SIRPG: variants seen among roughly 807,000 people sequenced by gnomAD.
SIRPG encodes the protein signal regulatory protein gamma, also known as signal-regulatory protein gamma.
In SIRPG, 38 loss-of-function variants were observed where a neutral mutation model predicts 35.7. The ratio of observed to expected loss-of-function variants is 1.06; its 90% CI spans 0.82 to 1.40. The LOEUF (loss-of-function observed/expected upper bound fraction) is 1.40, where lower values mean the gene tolerates loss of function less well. Ranked by LOEUF, SIRPG falls within the 40% of genes most tolerant of loss-of-function variation. The pLI, the probability that SIRPG is intolerant of heterozygous loss-of-function variation, is 0.00. For missense variants in SIRPG, 519 were observed against 483.0 expected (o/e 1.07, Z -0.70); for synonymous variants, 215 against 190.4 (o/e 1.13, Z -1.06).
chr20:1,671,132 A>C, the SIRPG span: 2 of 426,140 alleles, frequency 4.7e-6, no homozygotes, highest in South Asian at 3.7e-5. Context: ...TCACAGGTGA[A>C]GCTCACTGTA....
intron 1 of SIRPG, among the ~76,000 whole-genome samples, chr20:1,653,157 T>A (rs1489368297): frequency 4.6e-5 from 7 of 152,150 alleles, no homozygotes; most frequent in African/African-American, 1.4e-4. Context: ...GCTGCAGAAA[T>A]CTCATGGAAT....
the SIRPG span, among the ~76,000 whole-genome samples, chr20:1,668,248 T>TTTCTTTCTTTCTTTCTTTC: frequency 2.8e-5 from 3 of 106,222 alleles, no homozygotes; most frequent in African/African-American, 1.0e-4. Context: ...TCTTTCTTTC[T>TTTCTTTCTTTCTTTCTTTC]TTTTCTTTTT....
At chr20:1,649,454 C>G in intron 1 of SIRPG, 46 bp from the exon 2 acceptor site, 1 of 1,500,432 alleles carries the variant, frequency 6.7e-7, no homozygotes, top group Non-Finnish European at 9.0e-7. Flanking sequence ...TTACATAATC[C>G]TGTATTTCCT....
At chr20:1,635,180 G>T in intron 4 of SIRPG, 87 bp downstream of exon 4, 1 of 1,092,690 alleles carries the variant, frequency 9.2e-7, no homozygotes, top group South Asian at 1.6e-5. Context: ...TGTATTTATA[G>T]ACTTCTAGCT....
intron 2 of SIRPG, among the ~76,000 whole-genome samples, chr20:1,641,326 G>C (rs2091850416): frequency 6.6e-6 from 1 of 152,052 alleles, no homozygotes; most frequent in Admixed American, 6.6e-5. Context: ...TTTCTTTTTG[G>C]TTTAGTCTTG....
intron 2 of SIRPG, among the ~76,000 whole-genome samples, chr20:1,644,278 G>A (rs1448813397): frequency 6.6e-6 from 1 of 152,176 alleles, no homozygotes; most frequent in African/African-American, 2.4e-5. Context: ...AGTTGTTGGA[G>A]TTCCTGGAGG....
At chr20:1,650,405 G>T (rs2091933560) in intron 1 of SIRPG, among the ~76,000 whole-genome samples, 1 of 152,066 alleles carries the variant, frequency 6.6e-6, no homozygotes, top group Non-Finnish European at 1.5e-5. Context: ...TCCAGAATGA[G>T]AAATTATAAA....
intron 4 of SIRPG, 60 bp from the exon 5 acceptor site, chr20:1,630,366 G>A: frequency 3.0e-6 from 4 of 1,344,126 alleles, no homozygotes; most frequent in Non-Finnish European, 4.1e-6. Flanking sequence ...CATTGTAGGG[G>A]CCTCCACTTA....
the SIRPG span, among the ~76,000 whole-genome samples, chr20:1,669,543 G>A: frequency 4.6e-5 from 7 of 152,324 alleles, 1 homozygote; most frequent in South Asian, 8.3e-4. Context: ...GGATGAGGTC[G>A]CAGATGGGAT....
In SIRPG at chr20:1,650,002, G is replaced by GTA. The variant is rs200260253; in HGVS notation, c.74-595_74-594insTA. 2.7e-3 allele frequency among the ~76,000 whole-genome samples: 223 copies of GTA among 81,352 alleles called. 7 individuals are homozygous for GTA. The highest frequency in any genetic ancestry group is 9.0e-3 in the South Asian group (23 of 2,566). The allele number at this position is 81,352 out of a possible 152,430, so 53.4% of individuals were successfully genotyped here. On this transcript the variant is annotated intron_variant, in intron 1 of 5. Coordinates refer to ENST00000303415, the MANE Select transcript of SIRPG (RefSeq NM_018556.4). ...GAACTCCTGAACTCTACTTTGAAGT[G>GTA]TGTATATATATATATATATATATAT...
At chr20:1,649,482 T>C in intron 1 of SIRPG, 74 bp from the exon 2 acceptor site, 8 of 1,353,342 alleles carry the variant, frequency 5.9e-6, no homozygotes, top group Non-Finnish European at 7.1e-6. Context: ...ATCAAAGATA[T>C]TCAGTGACTG....
rs201306847 is a variant in SIRPG at position 1,657,705 on chromosome 20, G to A, written c.10C>T (p.Pro4Ser). 6.2e-7 allele frequency: 1 copy of A among 1,614,044 alleles called. No individual in the cohort carries two copies. Among genetic ancestry groups the A allele is most frequent in the African/African-American group, 1.3e-5 (1 of 74,928 alleles). The change falls in exon 1 of 6, where the codon CCA (proline) becomes TCA (serine). Residue 4 changes from proline (P) to serine (S), a missense_variant. Coordinates refer to ENST00000303415, the MANE Select transcript of SIRPG (RefSeq NM_018556.4). ...CCAGGAGGATGGGGCCAGGAGGCTG[G>A]GACAGGCATTTTGGAGACCTCAGAA... MPV[P>S]ASWPHPPGPF...
the SIRPG span, among the ~76,000 whole-genome samples, chr20:1,675,948 C>G: frequency 1.3e-5 from 2 of 152,100 alleles, no homozygotes; most frequent in Admixed American, 1.3e-4. Flanking sequence ...TGAGGAGACT[C>G]TGGCACAGCT....
At chr20:1,668,725 T>A in the SIRPG span, among the ~76,000 whole-genome samples, 6 of 152,372 alleles carry the variant, frequency 3.9e-5, no homozygotes, top group South Asian at 1.2e-3. Context: ...AAATTTTTGT[T>A]AATTTTATTA....
chr20:1,635,150 C>T (rs905986541), intron 4 of SIRPG, 117 bp downstream of exon 4: 4 of 781,606 alleles, frequency 5.1e-6, no homozygotes, highest in Non-Finnish European at 7.9e-6. Flanking sequence ...GGGGATGGAG[C>T]TGACATTAAA....
chr20:1,660,228 T>TA (rs1491330169), upstream of SIRPG, among the ~76,000 whole-genome samples: 10 of 152,100 alleles, frequency 6.6e-5, no homozygotes, highest in African/African-American at 1.9e-4. Context: ...TGAAATTTTT[T>TA]AAAAAAACTT....
intron 3 of SIRPG, 142 bp from the exon 4 acceptor site, chr20:1,635,741 C>G: frequency 4.5e-6 from 4 of 880,352 alleles, no homozygotes; most frequent in Non-Finnish European, 6.9e-6. Context: ...ACATTGAGGG[C>G]GCTCTTTGCA....
chr20:1,678,852 C>T, the SIRPG span, among the ~76,000 whole-genome samples: 1 of 152,164 alleles, frequency 6.6e-6, no homozygotes, highest in Admixed American at 6.5e-5. Context: ...GAAGCGATTC[C>T]TCTCACGCGA....
chr20:1,653,001 G>A (rs894581036), intron 1 of SIRPG, among the ~76,000 whole-genome samples: 2 of 152,136 alleles, frequency 1.3e-5, no homozygotes, highest in African/African-American at 4.8e-5. Context: ...TTGCTCCTGT[G>A]GAATTTGACA....
Sources: allele counts gnomAD v4.1 joint callset (sites outside exome capture counted in the v4.1 genomes callset), GRCh38; gene constraint gnomAD v4.1.1; transcripts MANE v1.5; gene names NCBI Gene and HGNC (gene_info 2026-07-23, HGNC 2026-07-21).